Variants in ELP4 observed in about 807,000 individuals in gnomAD.
The protein encoded by ELP4 is elongator complex protein 4.
A neutral mutation model predicts 48.9 loss-of-function variants in ELP4; 51 were observed. That is an observed-to-expected ratio of 1.04 (90% CI 0.83 to 1.32). The LOEUF (loss-of-function observed/expected upper bound fraction) is 1.32, where lower values mean the gene tolerates loss of function less well. Ranked by LOEUF, ELP4 falls within the 40% of genes most tolerant of loss-of-function variation. The probability of loss-of-function intolerance (pLI) is 0.00; values close to 1 mark genes in which losing one functional copy is unlikely to be tolerated. For missense variants in ELP4, 519 were observed against 514.6 expected, an observed-to-expected ratio of 1.01 and a Z score of -0.08; for synonymous variants, 210 against 189.2, an observed-to-expected ratio of 1.11 and a Z score of -0.90.
intron 9 of ELP4, among the ~76,000 whole-genome samples, chr11:31,743,999 A>C (rs1947519629): frequency 6.6e-6 from 1 of 152,220 alleles, no homozygotes; most frequent in South Asian, 2.1e-4. Context: ...CACTAGCAAG[A>C]CCAATAAAGA....
At chr11:31,599,516 CACACACAAAA>C (rs1183634797) in intron 4 of ELP4, 66 of 13,150 alleles carry the variant, frequency 5.0e-3, no homozygotes, top group African/African-American at 6.6e-3. Context: ...CACACACACA[CACACACAAAA>C]AAAAAAAACC....
At chr11:31,750,049 A>G (rs1271730894) in intron 9 of ELP4, among the ~76,000 whole-genome samples, 1 of 150,414 alleles carries the variant, frequency 6.6e-6, no homozygotes, top group Non-Finnish European at 1.5e-5. Context: ...ATTTTTTACT[A>G]GAGACGGGGT....
intron 9 of ELP4, among the ~76,000 whole-genome samples, chr11:31,684,646 T>C (rs1946125320): frequency 1.3e-5 from 2 of 152,176 alleles, no homozygotes; most frequent in Non-Finnish European, 2.9e-5. Context: ...TATGATCACC[T>C]GTGACTTATG....
intron 7 of ELP4, among the ~76,000 whole-genome samples, chr11:31,634,968 TATC>T (rs1261089747): frequency 9.2e-5 from 14 of 151,950 alleles, no homozygotes; most frequent in African/African-American, 3.4e-4. Flanking sequence ...TTTGCAAAGT[TATC>T]ATATAGTAGT....
chr11:31,555,452 T>C (rs1381413681), intron 3 of ELP4, among the ~76,000 whole-genome samples: 1 of 152,062 alleles, frequency 6.6e-6, no homozygotes, highest in Non-Finnish European at 1.5e-5. Flanking sequence ...ATTTCTTACA[T>C]ATTTGTTATG....
chr11:31,593,227 CTGTTGT>C lies in ELP4; in HGVS notation c.382-1505_382-1500del, dbSNP rs61458094. Among the ~76,000 whole-genome samples the C allele has an allele frequency of 3.2e-3, 474 of 150,024 alleles. 1 individual carries two copies. Among genetic ancestry groups the C allele is most frequent in the African/African-American group, 0.011 (435 of 40,394 alleles). On this transcript the variant is annotated intron_variant, in intron 3 of 9. Coordinates refer to ENST00000640961, the MANE Select transcript of ELP4 (RefSeq NM_019040.5). ...CAACAACCCATTGAAGTGAATAATACTGTTGTTGTTGTTGTTGTTGTTGTTGTTGTT... is the reference window on the plus strand; with the variant it reads ...CAACAACCCATTGAAGTGAATAATACTGTTGTTGTTGTTGTTGTTGTTGTT...
chr11:31,546,756 G>A (rs928015451), intron 3 of ELP4, among the ~76,000 whole-genome samples: 5 of 152,080 alleles, frequency 3.3e-5, no homozygotes, highest in East Asian at 1.9e-4. Flanking sequence ...CTCAGCAAAT[G>A]TAAAAGAACA....
chr11:31,764,574 T>G (rs1038168143), intron 9 of ELP4, among the ~76,000 whole-genome samples: 1 of 152,220 alleles, frequency 6.6e-6, no homozygotes, highest in Non-Finnish European at 1.5e-5. Context: ...CGCACAGTTG[T>G]TCTTTTCACT....
At chr11:31,592,991 G>A (rs1380365076) in intron 3 of ELP4, among the ~76,000 whole-genome samples, 2 of 152,088 alleles carry the variant, frequency 1.3e-5, no homozygotes, top group Non-Finnish European at 2.9e-5. Context: ...AGTAACCATT[G>A]TTACAACTAT....
intron 9 of ELP4, among the ~76,000 whole-genome samples, chr11:31,671,514 A>G (rs899022046): frequency 6.6e-6 from 1 of 152,230 alleles, no homozygotes; most frequent in African/African-American, 2.4e-5. Context: ...ATTATAGATA[A>G]ATAGCTTACT....
rs367739055 is a variant in ELP4 at position 31,783,402 on chromosome 11, T to C, written c.1153T>C (p.Leu385=). Residue 385 remains leucine (L), a synonymous_variant, in exon 10 of 10, where the codon TTG becomes CTG. Coordinates refer to ENST00000640961, the MANE Select transcript of ELP4 (RefSeq NM_019040.5). ...RKLFTIERLH[L]PPDLSDTVSR... ...AAATCTTCTGCCATAGCGACTGCAT[T>C]TGCCTCCAGACTTGTCAGACACAGT... 59 of 1,611,820 alleles carry C rather than the reference T, an allele frequency of 3.7e-5. No individual in the cohort carries two copies. The highest frequency in any genetic ancestry group is 4.7e-5 in the Non-Finnish European group (55 of 1,179,040).
chr11:31,598,503 CTTT>C (rs10702222), intron 4 of ELP4, among the ~76,000 whole-genome samples: 1 of 77,740 alleles, frequency 1.3e-5, no homozygotes, highest in Non-Finnish European at 2.2e-5. Flanking sequence ...TTTTCTTCTT[CTTT>C]TTTTTTTTTT....
chr11:31,687,451 G>T, intron 9 of ELP4, among the ~76,000 whole-genome samples: 1 of 152,304 alleles, frequency 6.6e-6, no homozygotes, highest in East Asian at 1.9e-4. Flanking sequence ...AGAAACAACA[G>T]TTGACTCATA....
chr11:31,520,784 C>T (rs1476721474), intron 2 of ELP4, among the ~76,000 whole-genome samples: 8 of 151,990 alleles, frequency 5.3e-5, no homozygotes, highest in Non-Finnish European at 1.0e-4. Context: ...TTTTTCATCT[C>T]AAATATTCTC....
At chr11:31,753,316 C>G (rs909466113) in intron 9 of ELP4, among the ~76,000 whole-genome samples, 5 of 152,162 alleles carry the variant, frequency 3.3e-5, no homozygotes, top group African/African-American at 1.2e-4. Flanking sequence ...TGTTTACTTA[C>G]TTATCTTCAG....
intron 5 of ELP4, among the ~76,000 whole-genome samples, chr11:31,614,933 C>T (rs555879658): frequency 2.0e-5 from 3 of 152,166 alleles, no homozygotes; most frequent in Admixed American, 2.0e-4. Flanking sequence ...TAAGCTATTT[C>T]GTTTTGCTGT....
At chr11:31,713,696 A>G (rs1432373692) in intron 9 of ELP4, among the ~76,000 whole-genome samples, 1 of 152,206 alleles carries the variant, frequency 6.6e-6, no homozygotes, top group Non-Finnish European at 1.5e-5. Context: ...GGAGAAACCT[A>G]GACACTGAAA....
intron 2 of ELP4, among the ~76,000 whole-genome samples, chr11:31,532,767 T>A (rs529028502): frequency 6.7e-6 from 1 of 149,772 alleles, no homozygotes; most frequent in East Asian, 2.0e-4. Flanking sequence ...CTTTTTTTTG[T>A]TGGTTTTTTT....
At chr11:31,717,668 C>G (rs1040400465) in intron 9 of ELP4, among the ~76,000 whole-genome samples, 1 of 151,616 alleles carries the variant, frequency 6.6e-6, no homozygotes, top group Non-Finnish European at 1.5e-5. Flanking sequence ...GCAAAAGAAT[C>G]GCTTGAACCC....
Sources: allele counts gnomAD v4.1 joint callset (sites outside exome capture counted in the v4.1 genomes callset), GRCh38; gene constraint gnomAD v4.1.1; transcripts MANE v1.5; gene names NCBI Gene and HGNC (gene_info 2026-07-23, HGNC 2026-07-21).